The following IRAK1BP1 variants were observed in gnomAD, a reference collection of about 807,000 sequenced individuals.
IRAK1BP1 encodes interleukin-1 receptor-associated kinase 1-binding protein 1.
A neutral mutation model predicts 28.0 loss-of-function variants in IRAK1BP1; 24 were observed. The ratio of observed to expected loss-of-function variants is 0.86; its 90% CI spans 0.62 to 1.20. IRAK1BP1 has a LOEUF of 1.20. Ranked by LOEUF, IRAK1BP1 falls within the 50% of genes most tolerant of loss-of-function variation. IRAK1BP1 has a pLI of 0.00. For missense variants in IRAK1BP1, 336 were observed against 316.7 expected (o/e 1.06, Z -0.46); for synonymous variants, 131 against 116.3 (o/e 1.13, Z -0.81).
At chr6:78,918,761 A>T (rs1350327725) in intron 4 of IRAK1BP1, among the ~76,000 whole-genome samples, 1 of 152,126 alleles carries the variant, frequency 6.6e-6, no homozygotes, top group Non-Finnish European at 1.5e-5. Flanking sequence ...ATAGTGGGGG[A>T]CTTCAACACC....
chr6:78,915,928 T>C (rs753407726), intron 4 of IRAK1BP1, among the ~76,000 whole-genome samples: 21 of 152,198 alleles, frequency 1.4e-4, no homozygotes, highest in Non-Finnish European at 2.8e-4. Flanking sequence ...GATGTTTTGT[T>C]ACCAGTCAAG....
At chr6:78,905,523 G>A (rs1772238298), downstream of IRAK1BP1, among the ~76,000 whole-genome samples, 1 of 152,190 alleles carries the variant, frequency 6.6e-6, no homozygotes, top group South Asian at 2.1e-4. Context: ...AAAATAGTGT[G>A]GCATGATAGG....
chr6:78,952,407 G>C, the IRAK1BP1 span, among the ~76,000 whole-genome samples: 3 of 127,528 alleles, frequency 2.4e-5, no homozygotes, highest in African/African-American at 9.0e-5. Flanking sequence ...GACAGAGTGA[G>C]ACTCTGTCCC....
the IRAK1BP1 span, chr6:78,961,841 T>A: frequency 6.5e-7 from 1 of 1,534,692 alleles, no homozygotes; most frequent in Non-Finnish European, 8.9e-7. Context: ...TGTAAATTTA[T>A]TTTTGTATGC....
intron 4 of IRAK1BP1, among the ~76,000 whole-genome samples, chr6:78,917,227 T>C (rs559968213): frequency 6.6e-6 from 1 of 151,850 alleles, no homozygotes; most frequent in Non-Finnish European, 1.5e-5. Context: ...TAAAAATAAG[T>C]CAACCAGAGC....
At chr6:78,951,257 A>G (rs1172735583), downstream of IRAK1BP1, among the ~76,000 whole-genome samples, 2 of 152,128 alleles carry the variant, frequency 1.3e-5, no homozygotes, top group Non-Finnish European at 2.9e-5. Flanking sequence ...AGAATACTTA[A>G]TTTTTCTTGG....
the IRAK1BP1 span, among the ~76,000 whole-genome samples, chr6:78,952,521 A>G: frequency 4.0e-5 from 6 of 150,768 alleles, no homozygotes; most frequent in South Asian, 1.1e-3. Flanking sequence ...ATTCTCTTCC[A>G]CTGAAATTTT....
intron 4 of IRAK1BP1, among the ~76,000 whole-genome samples, chr6:78,921,943 C>G (rs942521283): frequency 3.3e-5 from 5 of 152,086 alleles, no homozygotes; most frequent in African/African-American, 1.2e-4. Flanking sequence ...TCATCAAACA[C>G]CAAAGGTAGA....
At chr6:78,955,746 T>C in the IRAK1BP1 span, 16 of 623,710 alleles carry the variant, frequency 2.6e-5, no homozygotes, top group African/African-American at 1.3e-4. Flanking sequence ...CCTTAAAAAT[T>C]TGTTCGTAAA....
At chr6:78,903,734 T>G (rs1202681907), downstream of IRAK1BP1, among the ~76,000 whole-genome samples, 2 of 152,004 alleles carry the variant, frequency 1.3e-5, no homozygotes, top group Non-Finnish European at 1.5e-5. Flanking sequence ...ACAGTACGTG[T>G]GGGACTGTAT....
chr6:78,870,635 T>A (rs549662679), intron 1 of IRAK1BP1, among the ~76,000 whole-genome samples: 2 of 152,322 alleles, frequency 1.3e-5, no homozygotes, highest in East Asian at 3.9e-4. Context: ...GAAAAGTGTT[T>A]TAAAGTTCTA....
At chr6:78,939,041 G>A (rs1207087700) in intron 4 of IRAK1BP1, 1 of 151,392 alleles carries the variant, frequency 6.6e-6, no homozygotes, top group Non-Finnish European at 1.5e-5. Flanking sequence ...TTACATTTTT[G>A]TACCATACCA....
intron 1 of IRAK1BP1, among the ~76,000 whole-genome samples, chr6:78,884,620 C>T (rs1466270375): frequency 6.6e-6 from 1 of 152,112 alleles, no homozygotes. Flanking sequence ...TATACAACTT[C>T]TCATTAAATC....
the IRAK1BP1 span, chr6:78,954,808 A>G: frequency 6.4e-7 from 1 of 1,565,608 alleles, no homozygotes; most frequent in Non-Finnish European, 8.6e-7. Context: ...TTTCAAAAAT[A>G]CTTACTGGAT....
chr6:78,870,035 G>A (rs1770736928), intron 1 of IRAK1BP1, among the ~76,000 whole-genome samples: 1 of 139,184 alleles, frequency 7.2e-6, no homozygotes, highest in South Asian at 2.4e-4. Context: ...CTTGAACCCA[G>A]GAGGCGGAGG....
chr6:78,905,309 C>T (rs1772233818), downstream of IRAK1BP1, among the ~76,000 whole-genome samples: 1 of 152,068 alleles, frequency 6.6e-6, no homozygotes, highest in African/African-American at 2.4e-5. Context: ...CTGCAACAGC[C>T]ACCTAAATAA....
At chr6:78,978,778 TTAAAA>T in the IRAK1BP1 span, 4 of 1,246,962 alleles carry the variant, frequency 3.2e-6, no homozygotes, top group African/African-American at 1.5e-5. Context: ...AATCTACTCT[TTAAAA>T]TAACTATAAA....
chr6:78,905,972 G>C (rs557995768), downstream of IRAK1BP1, among the ~76,000 whole-genome samples: 1 of 152,244 alleles, frequency 6.6e-6, no homozygotes, highest in African/African-American at 2.4e-5. Flanking sequence ...TGAAAGTCAA[G>C]ACTGGAAAGA....
chr6:78,942,915 G>C, intron 4 of IRAK1BP1, among the ~76,000 whole-genome samples: 1 of 152,108 alleles, frequency 6.6e-6, no homozygotes, highest in Non-Finnish European at 1.5e-5. Context: ...AATGAATGCA[G>C]CTTTCTTAAA....
Sources: gnomAD v4.1 joint callset for allele counts (sites outside exome capture counted in the v4.1 genomes callset) on GRCh38, gnomAD v4.1.1 for gene constraint, MANE v1.5 for transcripts, NCBI Gene and HGNC (gene_info 2026-07-23, HGNC 2026-07-21) for gene names.